Variants in LARGE1 observed in about 807,000 individuals in gnomAD.
LARGE1 encodes the protein xylosyl- and glucuronyltransferase LARGE1.
Under a neutral mutation model 87.6 loss-of-function variants are expected in LARGE1, and 43 were observed. The observed-to-expected ratio is 0.49, with a 90% CI of 0.38 to 0.63. The LOEUF is 0.63. Ranked by LOEUF, LARGE1 falls within the 30% of genes least tolerant of loss-of-function variation. The pLI is 0.00. For synonymous variants in LARGE1, 434 were observed against 394.6 expected, an observed-to-expected ratio of 1.10 and a Z score of -1.18; for missense variants, 802 against 1,000.2, an observed-to-expected ratio of 0.80 and a Z score of 2.67.
At chr22:33,911,530 G>A (rs1274616977) in intron 1 of LARGE1, among the ~76,000 whole-genome samples, 4 of 152,008 alleles carry the variant, frequency 2.6e-5, no homozygotes, top group East Asian at 3.9e-4. Context: ...ACATGGGAGC[G>A]CCGGTCTACA....
intron 9 of LARGE1, among the ~76,000 whole-genome samples, chr22:33,349,847 C>A (rs1457801952): frequency 1.3e-5 from 2 of 151,874 alleles, no homozygotes; most frequent in African/African-American, 2.4e-5. Context: ...GGAGTCTCAG[C>A]CAAAAAAGAA....
At chr22:33,750,747 G>T (rs547414323) in intron 2 of LARGE1, 1 of 152,032 alleles carries the variant, frequency 6.6e-6, no homozygotes, top group South Asian at 2.1e-4. Flanking sequence ...TAAGAATACT[G>T]GTCTTGTTTC....
chr22:33,269,100 C>G (rs1602176291), downstream of LARGE1, among the ~76,000 whole-genome samples: 1 of 152,026 alleles, frequency 6.6e-6, no homozygotes. Context: ...TAAAAAAATA[C>G]ACACTAAAGT....
intron 3 of LARGE1, among the ~76,000 whole-genome samples, chr22:33,633,199 T>TA (rs2080162237): frequency 6.6e-6 from 1 of 152,112 alleles, no homozygotes; most frequent in Non-Finnish European, 1.5e-5. Flanking sequence ...GGCAATTTGA[T>TA]AGTTAACCAG....
chr22:33,556,542 G>A (rs868529042), intron 6 of LARGE1, among the ~76,000 whole-genome samples: 48 of 62,640 alleles, frequency 7.7e-4, no homozygotes, highest in African/African-American at 2.6e-3. Context: ...GAGGGAAGGA[G>A]GGAGGGAGGG....
chr22:33,597,840 T>C (rs569812155), intron 5 of LARGE1, among the ~76,000 whole-genome samples: 6 of 152,144 alleles, frequency 3.9e-5, no homozygotes, highest in Non-Finnish European at 8.8e-5. Context: ...ATGTAGGGCC[T>C]TGTCTGAAAA....
chr22:33,288,983 G>A (rs928730087), intron 12 of LARGE1, among the ~76,000 whole-genome samples: 1 of 151,946 alleles, frequency 6.6e-6, no homozygotes, highest in Non-Finnish European at 1.5e-5. Flanking sequence ...ATTTTAGACA[G>A]AGTCTCGCTC....
At chr22:33,085,985 C>G in the LARGE1 span, among the ~76,000 whole-genome samples, 1 of 152,172 alleles carries the variant, frequency 6.6e-6, no homozygotes, top group Non-Finnish European at 1.5e-5. Context: ...TAATTGTCTT[C>G]TATTTTGTTC....
At chr22:33,109,315 A>T in the LARGE1 span, 11 of 118,550 alleles carry the variant, frequency 9.3e-5, no homozygotes, top group African/African-American at 3.4e-4. Flanking sequence ...TTTTTAAATT[A>T]AAAAAAAAAA....
At chr22:33,652,037 T>C (rs1287290650) in intron 2 of LARGE1, among the ~76,000 whole-genome samples, 2 of 152,112 alleles carry the variant, frequency 1.3e-5, no homozygotes, top group Non-Finnish European at 2.9e-5. Flanking sequence ...CCAGGCATGG[T>C]GGCACGCACC....
the LARGE1 span, among the ~76,000 whole-genome samples, chr22:33,134,643 T>C: frequency 1.3e-5 from 2 of 152,298 alleles, no homozygotes; most frequent in East Asian, 1.9e-4. Context: ...CATGTAGAAG[T>C]TGCTGGACCT....
chr22:33,768,153 C>CA (rs1273154061), intron 1 of LARGE1, among the ~76,000 whole-genome samples: 1 of 152,018 alleles, frequency 6.6e-6, no homozygotes, highest in Non-Finnish European at 1.5e-5. Context: ...ACCAAAAATA[C>CA]AAAAACTTAG....
At chr22:33,818,888 C>T (rs17808509) in intron 1 of LARGE1, among the ~76,000 whole-genome samples, 10,891 of 152,204 alleles carry the variant, frequency 0.072, 506 homozygotes, top group Admixed American at 0.11. Flanking sequence ...ACACTGTGGT[C>T]TCCCTTGGGT....
chr22:33,559,918 T>C (rs1417046348), intron 6 of LARGE1, among the ~76,000 whole-genome samples: 1 of 152,184 alleles, frequency 6.6e-6, no homozygotes, highest in Non-Finnish European at 1.5e-5. Flanking sequence ...CTAGATCGCC[T>C]TGGGCCCGCC....
chr22:33,589,997 T>C (rs1225635462), intron 5 of LARGE1, among the ~76,000 whole-genome samples: 1 of 152,204 alleles, frequency 6.6e-6, no homozygotes, highest in Non-Finnish European at 1.5e-5. Context: ...ACTTCACTCA[T>C]TTTTATTCCA....
chr22:33,287,093 C>T (rs1374171248), intron 12 of LARGE1, among the ~76,000 whole-genome samples: 2 of 152,236 alleles, frequency 1.3e-5, no homozygotes, highest in African/African-American at 4.8e-5. Context: ...TTCTGAACTG[C>T]TGCAGAGGGG....
chr22:33,728,572 A>AC (rs2083350637), intron 2 of LARGE1, among the ~76,000 whole-genome samples: 1 of 149,212 alleles, frequency 6.7e-6, no homozygotes, highest in Admixed American at 6.7e-5. Flanking sequence ...AAAAAAAAAA[A>AC]AAAAAAACCA....
chr22:33,524,945 G>A (rs1251368702), intron 6 of LARGE1, among the ~76,000 whole-genome samples: 3 of 152,212 alleles, frequency 2.0e-5, no homozygotes, highest in Non-Finnish European at 4.4e-5. Flanking sequence ...AGATTCCAGA[G>A]AATTGTCTGA....
chr22:33,613,735 G>A (rs1345925469), intron 4 of LARGE1, among the ~76,000 whole-genome samples: 1 of 152,116 alleles, frequency 6.6e-6, no homozygotes, highest in African/African-American at 2.4e-5. Context: ...AGCTCCTTGG[G>A]GACAGAGACT....
Sources: gnomAD v4.1 joint callset for allele counts (sites outside exome capture counted in the v4.1 genomes callset) on GRCh38, gnomAD v4.1.1 for gene constraint, MANE v1.5 for transcripts, NCBI Gene and HGNC (gene_info 2026-07-23, HGNC 2026-07-21) for gene names.